MB21D2: variants seen among roughly 807,000 people sequenced by gnomAD.
MB21D2 encodes nucleotidyltransferase MB21D2.
A neutral mutation model predicts 33.3 loss-of-function variants in MB21D2; 9 were observed. The ratio of observed to expected loss-of-function variants is 0.27; its 90% CI spans 0.16 to 0.47. The LOEUF (loss-of-function observed/expected upper bound fraction) is 0.47. Among genes scored for constraint, MB21D2 ranks in the 20% least tolerant of loss-of-function variants. The probability of loss-of-function intolerance (pLI) is 0.99; values close to 1 mark genes in which losing one functional copy is unlikely to be tolerated. For synonymous variants in MB21D2, 241 were observed against 236.3 expected (o/e 1.02, Z -0.18); for missense variants, 540 against 624.6 (o/e 0.86, Z 1.44).
intron 1 of MB21D2, among the ~76,000 whole-genome samples, chr3:192,876,839 T>C (rs1713439472): frequency 6.6e-6 from 1 of 152,172 alleles, no homozygotes; most frequent in Non-Finnish European, 1.5e-5. Flanking sequence ...GGCTCCAGCT[T>C]TCTCTAAAAA....
At chr3:192,867,395 CA>C (rs1188952834) in intron 1 of MB21D2, among the ~76,000 whole-genome samples, 1 of 152,116 alleles carries the variant, frequency 6.6e-6, no homozygotes, top group East Asian at 1.9e-4. Flanking sequence ...ATCTTATTTG[CA>C]AAGAAAAAAC....
intron 1 of MB21D2, among the ~76,000 whole-genome samples, chr3:192,881,556 G>A (rs1378310634): frequency 6.6e-6 from 1 of 152,148 alleles, no homozygotes; most frequent in African/African-American, 2.4e-5. Flanking sequence ...CCGCTACGAA[G>A]TTTGAGCTGT....
chr3:192,874,248 C>A (rs1356494679), intron 1 of MB21D2, among the ~76,000 whole-genome samples: 1 of 152,056 alleles, frequency 6.6e-6, no homozygotes, highest in South Asian at 2.1e-4. Context: ...TGCCATTTAC[C>A]ATGCAAAAGT....
chr3:192,822,507 T>C (rs886207136), intron 1 of MB21D2, among the ~76,000 whole-genome samples: 7 of 152,100 alleles, frequency 4.6e-5, no homozygotes, highest in Admixed American at 6.5e-5. Flanking sequence ...TGCAAATCAC[T>C]GGCATTGTAA....
At chr3:192,875,912 A>T (rs946887840) in intron 1 of MB21D2, among the ~76,000 whole-genome samples, 4 of 152,176 alleles carry the variant, frequency 2.6e-5, no homozygotes, top group Non-Finnish European at 5.9e-5. Context: ...AGGTTACTAA[A>T]CCAACAATAG....
intron 1 of MB21D2, among the ~76,000 whole-genome samples, chr3:192,880,987 T>G (rs1713554090): frequency 6.6e-6 from 1 of 151,960 alleles, no homozygotes; most frequent in Non-Finnish European, 1.5e-5. Flanking sequence ...ACATATATAT[T>G]TATATACACA....
At chr3:192,816,155 C>G (rs1711917706) in intron 1 of MB21D2, among the ~76,000 whole-genome samples, 1 of 151,920 alleles carries the variant, frequency 6.6e-6, no homozygotes. Context: ...TATATTGTGT[C>G]CCTTCCAAAA....
chr3:192,865,298 T>C (rs1192458735), intron 1 of MB21D2, among the ~76,000 whole-genome samples: 1 of 152,108 alleles, frequency 6.6e-6, no homozygotes, highest in South Asian at 2.1e-4. Context: ...CAGAGGTAGG[T>C]GAACTGCAAG....
Position 192,799,430 on chromosome 3 carries a change from G to A in MB21D2, c.432C>T (p.Cys144=). ...AGAGCCGAAGGCTCAGCCAAGAGTG[G>A]CACAAGGCTGAGTGGCGCATGTCGA... The part of the protein sequence containing the change: ...VTLDMRHSAL[C]HSWLSLRLFD... The change falls in exon 2 of 2, where the codon TGC becomes TGT. Residue 144 remains cysteine (C), a synonymous_variant. Transcript: ENST00000392452. This position sits in a 1 kb window ranked among gnomAD's most constrained non-coding sequence, Gnocchi z 4.1. The A allele has an allele frequency of 6.2e-7, 1 of 1,614,228 alleles. No individual in the cohort carries two copies. The highest frequency in any genetic ancestry group is 2.2e-5 in the East Asian group (1 of 44,868).
intron 1 of MB21D2, among the ~76,000 whole-genome samples, chr3:192,882,294 C>T (rs760061352): frequency 1.3e-5 from 2 of 152,050 alleles, no homozygotes; most frequent in Non-Finnish European, 1.5e-5. Flanking sequence ...AGGCTGGTCT[C>T]GAACTCCCGA....
At chr3:192,823,208 A>C (rs992906796) in intron 1 of MB21D2, among the ~76,000 whole-genome samples, 2 of 152,210 alleles carry the variant, frequency 1.3e-5, no homozygotes, top group African/African-American at 4.8e-5. Flanking sequence ...AATCAAAATC[A>C]CCTGCAAAGA....
chr3:192,855,965 G>C (rs150999245), intron 1 of MB21D2, among the ~76,000 whole-genome samples: 69 of 152,322 alleles, frequency 4.5e-4, no homozygotes, highest in African/African-American at 1.5e-3. Context: ...GCTGAGGCAG[G>C]AGAATCACTT....
chr3:192,913,268 A>G (rs772769465), intron 1 of MB21D2, among the ~76,000 whole-genome samples: 13 of 151,454 alleles, frequency 8.6e-5, no homozygotes, highest in Non-Finnish European at 1.8e-4. Context: ...GTGGTGTTAC[A>G]CGCCTGCACT....
chr3:192,898,181 A>T (rs1714018882), intron 1 of MB21D2, among the ~76,000 whole-genome samples: 1 of 151,372 alleles, frequency 6.6e-6, no homozygotes, highest in Non-Finnish European at 1.5e-5. Flanking sequence ...CAAAAAAAAA[A>T]ACTGACAGCA....
intron 1 of MB21D2, among the ~76,000 whole-genome samples, chr3:192,818,720 T>C (rs774770508): frequency 1.3e-5 from 2 of 152,164 alleles, no homozygotes; most frequent in Non-Finnish European, 2.9e-5. Flanking sequence ...CAAAGTCAAA[T>C]AGGTTTTGGG....
At chr3:192,900,972 T>A (rs1400767223) in intron 1 of MB21D2, among the ~76,000 whole-genome samples, 2 of 151,198 alleles carry the variant, frequency 1.3e-5, no homozygotes, top group Non-Finnish European at 2.9e-5. Context: ...CACAAAGGTC[T>A]CCAAGGCCTC....
intron 1 of MB21D2, among the ~76,000 whole-genome samples, chr3:192,917,305 C>T (rs955494551): frequency 1.3e-5 from 2 of 152,238 alleles, no homozygotes; most frequent in Non-Finnish European, 2.9e-5. Context: ...GCACTCGCTT[C>T]CAGGGGCTTC....
intron 1 of MB21D2, among the ~76,000 whole-genome samples, chr3:192,833,112 T>C (rs1320800016): frequency 6.7e-6 from 1 of 149,948 alleles, no homozygotes; most frequent in Non-Finnish European, 1.5e-5. Flanking sequence ...TGTTGTTGTT[T>C]CTAATCACAT....
rs555964486 is a variant in MB21D2 at position 192,875,748 on chromosome 3, A to G, written c.211+41882T>C. ...GTAATTAAGACTTTCCACAGTGTTA[A>G]GCAACCATTTGCCTAACAAAGTTGC... is the stretch of plus-strand genomic sequence containing the variant. On this transcript the variant is annotated intron_variant, in intron 1 of 1. Transcript: ENST00000392452. 2.3e-4 allele frequency among the ~76,000 whole-genome samples: 35 copies of G among 152,322 alleles called. No homozygotes were observed. In the South Asian group the frequency reaches 3.1e-3, roughly 14 times the overall value.
Sources: gnomAD v4.1 joint callset for allele counts (sites outside exome capture counted in the v4.1 genomes callset) on GRCh38, gnomAD v4.1.1 for gene constraint, Gnocchi (gnomAD v3.1) non-coding constraint, MANE v1.5 for transcripts, NCBI Gene and HGNC (gene_info 2026-07-23, HGNC 2026-07-21) for gene names.